The following BMPR1B variants were observed in gnomAD, a reference collection of about 807,000 sequenced individuals.
BMPR1B encodes bone morphogenetic protein receptor type 1B.
A neutral mutation model predicts 59.1 loss-of-function variants in BMPR1B; 12 were observed. The observed-to-expected ratio is 0.20, with a 90% CI of 0.13 to 0.33. BMPR1B has a LOEUF of 0.33. Among genes scored for constraint, BMPR1B ranks in the 10% least tolerant of loss-of-function variants. The probability of loss-of-function intolerance (pLI) is 1.00; values close to 1 mark genes in which losing one functional copy is unlikely to be tolerated. For missense variants in BMPR1B, 550 were observed against 610.9 expected (o/e 0.90, Z 1.05); for synonymous variants, 237 against 207.3 (o/e 1.14, Z -1.23).
chr4:94,942,759 G>T (rs1200506125), intron 2 of BMPR1B, among the ~76,000 whole-genome samples: 1 of 152,186 alleles, frequency 6.6e-6, no homozygotes, highest in African/African-American at 2.4e-5. Context: ...AAACCAGCAG[G>T]TGTTAAGAAA....
At chr4:95,149,922 T>C (rs1734920666) in intron 11 of BMPR1B, among the ~76,000 whole-genome samples, 1 of 152,240 alleles carries the variant, frequency 6.6e-6, no homozygotes, top group African/African-American at 2.4e-5. Context: ...ATGGTTTCAA[T>C]GTAAAGATAA....
At chr4:95,147,662 T>C (rs1315435903) in intron 10 of BMPR1B, among the ~76,000 whole-genome samples, 1 of 152,242 alleles carries the variant, frequency 6.6e-6, no homozygotes, top group Non-Finnish European at 1.5e-5. Context: ...TGTACCTTTT[T>C]GGTTTTATAG....
chr4:94,986,311 T>C (rs1170105706), intron 2 of BMPR1B, among the ~76,000 whole-genome samples: 4 of 152,210 alleles, frequency 2.6e-5, no homozygotes, highest in Non-Finnish European at 5.9e-5. Context: ...CTAGGACTCA[T>C]ACCAGATTGA....
chr4:95,137,885 T>G (rs1202954902), intron 10 of BMPR1B, among the ~76,000 whole-genome samples: 1 of 152,228 alleles, frequency 6.6e-6, no homozygotes, highest in African/African-American at 2.4e-5. Context: ...ATCTTTTAAT[T>G]GGAGCATTCA....
intron 2 of BMPR1B, among the ~76,000 whole-genome samples, chr4:94,978,684 G>A (rs986515107): frequency 5.3e-5 from 8 of 152,104 alleles, no homozygotes; most frequent in Non-Finnish European, 1.2e-4. Context: ...AAAGAACTTA[G>A]AACCCACCTC....
intron 2 of BMPR1B, among the ~76,000 whole-genome samples, chr4:94,975,355 T>C (rs1309438522): frequency 1.7e-5 from 2 of 116,384 alleles, no homozygotes; most frequent in African/African-American, 8.4e-5. Flanking sequence ...TAATTTCCTT[T>C]TGTTTTTGTT....
intron 1 of BMPR1B, among the ~76,000 whole-genome samples, chr4:94,870,122 C>G (rs918551085): frequency 6.6e-6 from 1 of 152,174 alleles, no homozygotes; most frequent in Non-Finnish European, 1.5e-5. Context: ...AAACTCTGAT[C>G]AGTCTTAACT....
At chr4:94,871,711 C>A (rs1184191943) in intron 1 of BMPR1B, among the ~76,000 whole-genome samples, 1 of 152,084 alleles carries the variant, frequency 6.6e-6, no homozygotes, top group Admixed American at 6.6e-5. Context: ...TAAACACATA[C>A]AGAAAAGGTT....
chr4:95,149,122 G>A (rs992231506), intron 11 of BMPR1B, among the ~76,000 whole-genome samples, 199 bp downstream of exon 11: 11 of 152,084 alleles, frequency 7.2e-5, no homozygotes, highest in Admixed American at 1.3e-4. Context: ...CCTTCCTCCA[G>A]CTGCCACTAG....
At chr4:94,856,708 A>T (rs1725768109) in intron 1 of BMPR1B, among the ~76,000 whole-genome samples, 1 of 152,158 alleles carries the variant, frequency 6.6e-6, no homozygotes, top group African/African-American at 2.4e-5. Context: ...GGCAGGCCAA[A>T]CTGTTTTGTG....
At chr4:94,994,561 T>C (rs901212430) in intron 2 of BMPR1B, among the ~76,000 whole-genome samples, 3 of 152,242 alleles carry the variant, frequency 2.0e-5, no homozygotes, top group African/African-American at 7.2e-5. Flanking sequence ...GTAGGAACTA[T>C]GTTTTATCTT....
intron 1 of BMPR1B, among the ~76,000 whole-genome samples, chr4:94,846,679 TAATG>T (rs1345324840): frequency 6.6e-6 from 1 of 152,152 alleles, no homozygotes; most frequent in Admixed American, 6.5e-5. Flanking sequence ...AGTTAATACT[TAATG>T]AACTCCCCTT....
At position 95,156,542 on chromosome 4, in the gene BMPR1B, C is replaced by T. The variant is rs1735434277; in HGVS notation, c.*1869C>T. 1 of 151,886 alleles carries T rather than the reference C, an allele frequency of 6.6e-6. No individual in the cohort carries two copies. The highest frequency in any genetic ancestry group is 1.5e-5 in the Non-Finnish European group (1 of 67,982). 9.4% of individuals were successfully genotyped at this position (151,886 alleles called of 1,614,324 possible). The stretch of plus-strand genomic sequence containing the variant: ...AATGAGACTTTGTGAGCTGTGCTTA[C>T]AGTTTGGGAGAATCATGAAGATTCT... On this transcript the variant is annotated 3_prime_UTR_variant, in exon 13 of 13. Coordinates refer to ENST00000515059, the MANE Select transcript of BMPR1B (RefSeq NM_001203.3).
chr4:94,965,368 G>A (rs1304167136), intron 2 of BMPR1B, among the ~76,000 whole-genome samples: 3 of 151,972 alleles, frequency 2.0e-5, no homozygotes, highest in African/African-American at 7.2e-5. Context: ...TCAAAAGCCT[G>A]GCACATAGCA....
At chr4:94,981,715 T>A (rs6532520) in intron 2 of BMPR1B, among the ~76,000 whole-genome samples, 145,337 of 152,330 alleles carry the variant, frequency 0.95, 69,369 homozygotes, top group Middle Eastern at 0.99. Flanking sequence ...CTAAGGAAAG[T>A]TATCCTATGT....
chr4:94,769,711 T>C (rs1001447309), intron 1 of BMPR1B, among the ~76,000 whole-genome samples: 1 of 152,140 alleles, frequency 6.6e-6, no homozygotes, highest in Non-Finnish European at 1.5e-5. Flanking sequence ...GGTGGGAACA[T>C]TTATGAAATG....
intron 2 of BMPR1B, among the ~76,000 whole-genome samples, chr4:94,900,728 G>A (rs13123639): frequency 0.08 from 12,154 of 151,986 alleles, 580 homozygotes; most frequent in African/African-American, 0.14. Flanking sequence ...CTTTTTAGGG[G>A]TGTGGAAACA....
intron 8 of BMPR1B, among the ~76,000 whole-genome samples, chr4:95,125,755 C>T (rs1732860383): frequency 1.3e-5 from 2 of 152,154 alleles, no homozygotes; most frequent in Non-Finnish European, 2.9e-5. Context: ...TGCCTTCAAA[C>T]TCATCTTTCC....
intron 8 of BMPR1B, among the ~76,000 whole-genome samples, chr4:95,126,778 T>C (rs968053884): frequency 6.6e-6 from 1 of 152,202 alleles, no homozygotes; most frequent in Admixed American, 6.5e-5. Context: ...GATTTGGTTA[T>C]TAAGATAAAC....
Sources: allele counts gnomAD v4.1 joint callset (sites outside exome capture counted in the v4.1 genomes callset), GRCh38; gene constraint gnomAD v4.1.1; transcripts MANE v1.5; gene names NCBI Gene and HGNC (gene_info 2026-07-23, HGNC 2026-07-21).